The following CCDC73 variants were observed in gnomAD, a reference collection of about 807,000 sequenced individuals.
CCDC73 encodes coiled-coil domain-containing protein 73.
A neutral mutation model predicts 116.5 loss-of-function variants in CCDC73; 95 were observed. That is an observed-to-expected ratio of 0.82 (90% CI 0.69 to 0.97). The LOEUF is 0.97. CCDC73 is among the 50% of genes least tolerant of loss of function. The probability of loss-of-function intolerance (pLI) is 0.00; values close to 1 mark genes in which losing one functional copy is unlikely to be tolerated. For missense variants in CCDC73, 1,066 were observed against 1,206.8 expected, an observed-to-expected ratio of 0.88 and a Z score of 1.73; for synonymous variants, 398 against 401.3, an observed-to-expected ratio of 0.99 and a Z score of 0.10.
At chr11:32,674,408 G>C (rs993306661) in intron 9 of CCDC73, among the ~76,000 whole-genome samples, 1 of 152,110 alleles carries the variant, frequency 6.6e-6, no homozygotes, top group African/African-American at 2.4e-5. Flanking sequence ...TCTTCCTCTT[G>C]TACCAACTCT....
intron 9 of CCDC73, among the ~76,000 whole-genome samples, chr11:32,670,451 G>A (rs1856027636): frequency 6.6e-6 from 1 of 151,998 alleles, no homozygotes; most frequent in Non-Finnish European, 1.5e-5. Context: ...GAACCTGGGG[G>A]GCGGAGCTTG....
intron 15 of CCDC73, among the ~76,000 whole-genome samples, 186 bp from the exon 16 acceptor site, chr11:32,615,128 TCTTTAGCATGCTAAATATTTGG>T (rs1294849009): frequency 6.6e-6 from 1 of 152,128 alleles, no homozygotes; most frequent in East Asian, 1.9e-4. Flanking sequence ...ATCAAATATA[TCTTTAGCATGCTAAATATTTGG>T]CTTTACCCAT....
intron 1 of CCDC73, among the ~76,000 whole-genome samples, chr11:32,772,175 T>C (rs1163643181): frequency 3.3e-5 from 5 of 152,228 alleles, no homozygotes; most frequent in Non-Finnish European, 7.3e-5. Context: ...CAGCCACAGA[T>C]TCAATATTTT....
intron 6 of CCDC73, among the ~76,000 whole-genome samples, chr11:32,693,432 T>C (rs1213202904): frequency 6.6e-6 from 1 of 152,218 alleles, no homozygotes. Flanking sequence ...CCTATACATC[T>C]ACCTGTACTA....
intron 1 of CCDC73, among the ~76,000 whole-genome samples, chr11:32,787,473 C>T (rs1850638340): frequency 1.3e-5 from 2 of 152,114 alleles, no homozygotes; most frequent in Admixed American, 6.5e-5. Context: ...AAAAAATTTT[C>T]GATTTTTCAG....
At chr11:32,650,409 T>TA (rs1465135040) in intron 12 of CCDC73, among the ~76,000 whole-genome samples, 3 of 152,206 alleles carry the variant, frequency 2.0e-5, no homozygotes, top group African/African-American at 7.2e-5. Flanking sequence ...GTGTTTGGCC[T>TA]AAAAATCTAT....
chr11:32,637,017 C>CTTTTTT (rs71063750), intron 13 of CCDC73, among the ~76,000 whole-genome samples: 193 of 87,926 alleles, frequency 2.2e-3, no homozygotes, highest in East Asian at 9.7e-3. Flanking sequence ...TTTTCTTTTT[C>CTTTTTT]TTTTTTTTTT....
chr11:32,709,646 G>A (rs2087085), intron 3 of CCDC73, among the ~76,000 whole-genome samples: 23,806 of 152,174 alleles, frequency 0.16, 1,994 homozygotes, highest in South Asian at 0.27. Flanking sequence ...CTGCATCTAT[G>A]TTCATCAGGG....
chr11:32,794,020 A>C (rs887331196), intron 1 of CCDC73, among the ~76,000 whole-genome samples: 1 of 152,158 alleles, frequency 6.6e-6, no homozygotes, highest in African/African-American at 2.4e-5. Flanking sequence ...GGAGAAACAA[A>C]ATCACCAGCA....
intron 7 of CCDC73, chr11:32,680,393 CG>C (rs1368048928): frequency 2.0e-5 from 3 of 151,960 alleles, no homozygotes; most frequent in African/African-American, 7.2e-5. Flanking sequence ...TTTTCTTTTA[CG>C]TAGTTTTACT....
At chr11:32,812,278 G>A in the CCDC73 span, among the ~76,000 whole-genome samples, 3 of 152,148 alleles carry the variant, frequency 2.0e-5, no homozygotes, top group African/African-American at 7.2e-5. Context: ...CTAGCACTTT[G>A]CAAGGCCAAG....
chr11:32,759,789 G>C (rs942433193), intron 2 of CCDC73, among the ~76,000 whole-genome samples: 13 of 152,104 alleles, frequency 8.5e-5, no homozygotes, highest in Admixed American at 3.3e-4. Context: ...ATCTCCCCAA[G>C]AGCGATTATT....
intron 7 of CCDC73, chr11:32,681,724 A>G (rs1856147637): frequency 6.6e-6 from 1 of 152,000 alleles, no homozygotes; most frequent in South Asian, 2.1e-4. Context: ...ACATAAAAGA[A>G]TAATGTACTG....
At chr11:32,814,713 T>A in the CCDC73 span, among the ~76,000 whole-genome samples, 2 of 152,132 alleles carry the variant, frequency 1.3e-5, no homozygotes, top group Non-Finnish European at 2.9e-5. Context: ...TACATCCACA[T>A]AAAAACTTGT....
At chr11:32,623,529 A>T (rs1276953875) in intron 14 of CCDC73, among the ~76,000 whole-genome samples, 1 of 152,162 alleles carries the variant, frequency 6.6e-6, no homozygotes, top group East Asian at 1.9e-4. Context: ...TTTTAAAAAA[A>T]TTTTGTAGAG....
chr11:32,653,912 T>C, intron 11 of CCDC73, 66 bp downstream of exon 11: 1 of 1,541,784 alleles, frequency 6.5e-7, no homozygotes. Context: ...TGATTCCACT[T>C]ATTTTTTACA....
chr11:32,612,687 T>C (rs1214636417), intron 16 of CCDC73, among the ~76,000 whole-genome samples: 2 of 151,870 alleles, frequency 1.3e-5, no homozygotes, highest in African/African-American at 4.8e-5. Flanking sequence ...CAGTGAGCTA[T>C]GATCACACCA....
At chr11:32,807,712 C>CCAT in the CCDC73 span, among the ~76,000 whole-genome samples, 69 of 152,206 alleles carry the variant, frequency 4.5e-4, no homozygotes, top group Admixed American at 1.2e-3. Flanking sequence ...GACACCCCTG[C>CCAT]CATACATCCT....
chr11:32,783,810 C>T (rs546145819), intron 1 of CCDC73, among the ~76,000 whole-genome samples: 1 of 152,182 alleles, frequency 6.6e-6, no homozygotes, highest in South Asian at 2.1e-4. Flanking sequence ...AGCAATCTTG[C>T]ATAGGCAAGA....
Sources: allele counts gnomAD v4.1 joint callset (sites outside exome capture counted in the v4.1 genomes callset), GRCh38; gene constraint gnomAD v4.1.1; transcripts MANE v1.5; gene names NCBI Gene and HGNC (gene_info 2026-07-23, HGNC 2026-07-21).